The following PTPRD variants were observed in gnomAD, a reference collection of about 807,000 sequenced individuals.
PTPRD encodes the protein protein tyrosine phosphatase receptor type D, also known as receptor-type tyrosine-protein phosphatase delta.
Under a neutral mutation model 214.5 loss-of-function variants are expected in PTPRD, and 34 were observed. That is an observed-to-expected ratio of 0.16 (90% CI 0.12 to 0.21). PTPRD has a LOEUF of 0.21. PTPRD is among the 10% of genes least tolerant of loss of function. PTPRD has a pLI of 1.00. For missense variants in PTPRD, 2,545 were observed against 2,398.7 expected (o/e 1.06, Z -1.27); for synonymous variants, 1,128 against 845.7 (o/e 1.33, Z -5.79).
At chr9:9,075,923 C>T (rs1365135373) in intron 10 of PTPRD, among the ~76,000 whole-genome samples, 1 of 152,118 alleles carries the variant, frequency 6.6e-6, no homozygotes, top group Non-Finnish European at 1.5e-5. Context: ...TGGGTATATA[C>T]CCAGTAATGG....
intron 9 of PTPRD, among the ~76,000 whole-genome samples, chr9:9,252,862 C>G (rs945829254): frequency 3.9e-5 from 6 of 152,036 alleles, no homozygotes; most frequent in Non-Finnish European, 7.4e-5. Context: ...ACCAGCCAAT[C>G]ACACGCAAGA....
chr9:9,619,973 GGAGAAAGAGAGA>G (rs2095144356), intron 7 of PTPRD, among the ~76,000 whole-genome samples: 3 of 151,392 alleles, frequency 2.0e-5, no homozygotes, highest in African/African-American at 4.8e-5. Context: ...ACATATATAT[GGAGAAAGAGAGA>G]GAGAAAGAGA....
At chr9:10,185,254 T>A (rs563230293) in intron 3 of PTPRD, among the ~76,000 whole-genome samples, 29 of 152,098 alleles carry the variant, frequency 1.9e-4, no homozygotes, top group African/African-American at 6.5e-4. Context: ...CAAAAGCGGG[T>A]TTTCAACTAC....
At chr9:8,676,183 C>G (rs2097410183) in intron 12 of PTPRD, among the ~76,000 whole-genome samples, 1 of 152,132 alleles carries the variant, frequency 6.6e-6, no homozygotes, top group South Asian at 2.1e-4. Flanking sequence ...GCCTAGCTCA[C>G]TTTCTAGACC....
chr9:9,577,065 G>T (rs778457392), intron 7 of PTPRD, among the ~76,000 whole-genome samples: 4 of 152,144 alleles, frequency 2.6e-5, no homozygotes, highest in Non-Finnish European at 5.9e-5. Flanking sequence ...TATGTAGATT[G>T]TAAGTCATGG....
intron 8 of PTPRD, among the ~76,000 whole-genome samples, chr9:9,484,022 C>G (rs1214557659): frequency 6.6e-6 from 1 of 151,682 alleles, no homozygotes; most frequent in Non-Finnish European, 1.5e-5. Context: ...CTATAGGTGA[C>G]TCATCTTTGT....
At chr9:10,553,180 G>A (rs1213909483) in intron 2 of PTPRD, among the ~76,000 whole-genome samples, 1 of 152,138 alleles carries the variant, frequency 6.6e-6, no homozygotes, top group East Asian at 1.9e-4. Context: ...GTAGGATACA[G>A]CACAGTCCCC....
intron 4 of PTPRD, among the ~76,000 whole-genome samples, chr9:9,970,921 T>C (rs2095062969): frequency 6.6e-6 from 1 of 152,208 alleles, no homozygotes; most frequent in Admixed American, 6.5e-5. Context: ...AGACTGTTTA[T>C]TGTTCTAAAT....
chr9:10,369,967 T>A (rs896399809), intron 2 of PTPRD, among the ~76,000 whole-genome samples: 37 of 152,092 alleles, frequency 2.4e-4, no homozygotes, highest in African/African-American at 8.9e-4. Flanking sequence ...CCTAATACTA[T>A]ACATATATTA....
intron 7 of PTPRD, among the ~76,000 whole-genome samples, chr9:9,582,924 C>T (rs148079881): frequency 5.9e-4 from 89 of 151,942 alleles, no homozygotes; most frequent in African/African-American, 2.0e-3. Context: ...CATTAACCTC[C>T]CAGAGCATTT....
At chr9:10,514,226 G>T (rs2049228601) in intron 2 of PTPRD, among the ~76,000 whole-genome samples, 1 of 151,640 alleles carries the variant, frequency 6.6e-6, no homozygotes, top group Admixed American at 6.6e-5. Context: ...GTTCATTTTT[G>T]TACAAGTATA....
At chr9:8,796,988 C>G (rs1041792729) in intron 11 of PTPRD, 1 of 151,602 alleles carries the variant, frequency 6.6e-6, no homozygotes, top group African/African-American at 2.4e-5. Flanking sequence ...TTTCTGTAAT[C>G]TCTTAGCTAC....
At chr9:8,723,265 C>A (rs1407244612) in intron 12 of PTPRD, among the ~76,000 whole-genome samples, 1 of 152,122 alleles carries the variant, frequency 6.6e-6, no homozygotes, top group Non-Finnish European at 1.5e-5. Flanking sequence ...ATAGCTGGAC[C>A]CTTCCCATTC....
intron 2 of PTPRD, among the ~76,000 whole-genome samples, chr9:10,577,059 A>C (rs2069644144): frequency 6.6e-6 from 1 of 152,092 alleles, no homozygotes; most frequent in South Asian, 2.1e-4. Context: ...CATCAAAATA[A>C]TGTAGAAAGC....
intron 11 of PTPRD, among the ~76,000 whole-genome samples, chr9:8,927,476 G>A (rs555558740): frequency 1.3e-5 from 2 of 152,188 alleles, no homozygotes; most frequent in South Asian, 4.1e-4. Flanking sequence ...TCCTGTTCCT[G>A]TGTTAGTTTG....
chr9:9,563,130 C>A (rs987974967), intron 8 of PTPRD, among the ~76,000 whole-genome samples: 1 of 152,066 alleles, frequency 6.6e-6, no homozygotes, highest in Non-Finnish European at 1.5e-5. Flanking sequence ...TTCAGTCTGA[C>A]CCTTCTCTTT....
In PTPRD at chr9:9,947,346, A is replaced by AATATATATTATATATATTATATATATTAT. The variant is rs1216510491; in HGVS notation, c.-471-8737_-471-8736insATAATATATATAATATATATAATATATAT. The stretch of plus-strand genomic sequence containing the variant: ...TATATTATATATGTATTATATATAT[A>AATATATATTATATATATTATATATATTAT]ATATATATTATATATATTATATATA... On this transcript the variant is annotated intron_variant, in intron 4 of 45. Coordinates refer to ENST00000381196, the MANE Select transcript of PTPRD (RefSeq NM_002839.4). Among the ~76,000 whole-genome samples, 11 of 43,622 alleles carry AATATATATTATATATATTATATATATTAT rather than the reference A, an allele frequency of 2.5e-4. No individual in the cohort carries two copies. The South Asian group carries it at 3.6e-3, about 14-fold the overall frequency. The allele number at this position is 43,622 out of a possible 152,430, so 28.6% of individuals were successfully genotyped here.
At chr9:8,851,645 T>C (rs908911948) in intron 11 of PTPRD, among the ~76,000 whole-genome samples, 3 of 152,232 alleles carry the variant, frequency 2.0e-5, no homozygotes, top group Admixed American at 2.0e-4. Flanking sequence ...GGTATGTTCA[T>C]TACGTGACTT....
At chr9:9,162,444 C>T (rs538315553) in intron 10 of PTPRD, among the ~76,000 whole-genome samples, 3 of 152,258 alleles carry the variant, frequency 2.0e-5, no homozygotes, top group Admixed American at 2.0e-4. Flanking sequence ...GGACTTCTCA[C>T]TGCCCAAGTA....
Sources: gnomAD v4.1 joint callset for allele counts (sites outside exome capture counted in the v4.1 genomes callset) on GRCh38, gnomAD v4.1.1 for gene constraint, MANE v1.5 for transcripts, NCBI Gene and HGNC (gene_info 2026-07-23, HGNC 2026-07-21) for gene names.